MORC3: variants seen among roughly 807,000 people sequenced by gnomAD.
MORC3 encodes MORC family CW-type zinc finger 3.
MORC3 carries 31 observed loss-of-function variants against 109.1 expected under a neutral mutation model. That is an observed-to-expected ratio of 0.28 (90% CI 0.21 to 0.38). The LOEUF is 0.38. Among genes scored for constraint, MORC3 ranks in the 10% least tolerant of loss-of-function variants. The pLI is 1.00. For synonymous variants in MORC3, 395 were observed against 380.7 expected, an observed-to-expected ratio of 1.04 and a Z score of -0.44; for missense variants, 867 against 1,135.8, an observed-to-expected ratio of 0.76 and a Z score of 3.40.
At chr21:36,347,018 A>C (rs865990686) in intron 8 of MORC3, among the ~76,000 whole-genome samples, 1 of 150,828 alleles carries the variant, frequency 6.6e-6, no homozygotes, top group Non-Finnish European at 1.5e-5. Flanking sequence ...AAAAAAAAAA[A>C]AAAAAAAACA....
chr21:36,363,740 G>C (rs182791059), intron 13 of MORC3, among the ~76,000 whole-genome samples: 4 of 152,354 alleles, frequency 2.6e-5, no homozygotes, highest in South Asian at 4.1e-4. Context: ...GTAGGCAGTT[G>C]TGCTTCTTGC....
intron 14 of MORC3, among the ~76,000 whole-genome samples, chr21:36,367,114 G>A (rs2085789986): frequency 6.6e-6 from 1 of 152,196 alleles, no homozygotes. Context: ...TCTGGTGAGT[G>A]CCCTTTCTCT....
At chr21:36,322,531 C>T (rs1401036751) in intron 1 of MORC3, among the ~76,000 whole-genome samples, 1 of 151,998 alleles carries the variant, frequency 6.6e-6, no homozygotes, top group Admixed American at 6.6e-5. Flanking sequence ...GCCACCACAC[C>T]CGGCTAATTT....
chr21:36,337,696 G>A (rs963394550), intron 3 of MORC3, 36 bp from the exon 4 acceptor site: 1 of 1,283,028 alleles, frequency 7.8e-7, no homozygotes, highest in Non-Finnish European at 1.1e-6. Flanking sequence ...TTTGATTATA[G>A]GTATTTATTT....
intron 9 of MORC3, among the ~76,000 whole-genome samples, chr21:36,353,460 A>G (rs901790017): frequency 1.3e-5 from 2 of 151,652 alleles, no homozygotes; most frequent in African/African-American, 4.9e-5. Flanking sequence ...ACTGAATCCT[A>G]GCCACTAGAC....
chr21:36,330,666 C>T (rs922940465), intron 1 of MORC3, among the ~76,000 whole-genome samples: 1 of 152,060 alleles, frequency 6.6e-6, no homozygotes, highest in Non-Finnish European at 1.5e-5. Flanking sequence ...TCTTTTTAGT[C>T]GACAGTAGCC....
rs759476649 is a variant in MORC3, at chr21:36,349,277, T to C, written c.1006-34T>C. 3.5e-6 allele frequency: 5 copies of C among 1,429,016 alleles called. No individual in the cohort carries two copies. The African/African-American group carries it at 4.2e-5, about 12-fold the overall frequency. The allele number at this position is 1,429,016 out of a possible 1,614,324, so 88.5% of individuals were successfully genotyped here. A position where few individuals can be genotyped will look rare whatever the true frequency, so the allele number is the denominator to read the frequency against. On this transcript the variant is annotated intron_variant, in intron 8 of 16. Transcript: ENST00000400485. The stretch of plus-strand genomic sequence containing the variant: ...TAATTATTTTGAGCATCATGTCTTA[T>C]GCTTAAAATGCTGATTTCATTTTAT...
At chr21:36,351,914 A>C (rs917552162) in intron 9 of MORC3, among the ~76,000 whole-genome samples, 2 of 152,232 alleles carry the variant, frequency 1.3e-5, no homozygotes, top group Admixed American at 6.5e-5. Flanking sequence ...TGTTCACAGT[A>C]GTCAAAGGTT....
In MORC3 at chr21:36,362,241, T is replaced by C. The variant is rs1398716314; in HGVS notation, c.1452+13T>C. On this transcript the variant is annotated intron_variant, in intron 13 of 16. Transcript: ENST00000400485. ...AATGATCCCTCGGGTAATTAAGCCT[T>C]CTTTTTTTTTTTTTTTTTTAAATAG... 1 of 1,567,320 alleles carries C rather than the reference T, an allele frequency of 6.4e-7. No individual in the cohort carries two copies. Among genetic ancestry groups the C allele is most frequent in the South Asian group, 1.2e-5 (1 of 82,958 alleles).
chr21:36,358,628 TAAAA>T (rs1314809700), intron 10 of MORC3, among the ~76,000 whole-genome samples: 1 of 151,710 alleles, frequency 6.6e-6, no homozygotes, highest in Non-Finnish European at 1.5e-5. Context: ...AAAAAATAAT[TAAAA>T]AAATAAAAGA....
At chr21:36,335,650 C>T (rs1360428865) in intron 2 of MORC3, among the ~76,000 whole-genome samples, 1 of 152,036 alleles carries the variant, frequency 6.6e-6, no homozygotes, top group African/African-American at 2.4e-5. Context: ...TCTTCCTACA[C>T]CTATTCTGAG....
chr21:36,341,721 A>T (rs777382833), intron 6 of MORC3, among the ~76,000 whole-genome samples, 175 bp downstream of exon 6: 8 of 152,010 alleles, frequency 5.3e-5, no homozygotes, highest in Non-Finnish European at 1.2e-4. Context: ...AGGCTGTATC[A>T]CACACACACA....
chr21:36,333,168 A>G (rs2085335193), intron 1 of MORC3, among the ~76,000 whole-genome samples: 1 of 152,204 alleles, frequency 6.6e-6, no homozygotes, highest in Admixed American at 6.5e-5. Context: ...GCTATAATGA[A>G]CTTGGAGTAA....
rs553630382 is a variant in MORC3 at position 36,331,570 on chromosome 21, C to T, written c.40-2076C>T. Reference sequence around the variant, plus strand: ...TGAGCTGAGATGGCGCCACTGCACTCCAGCCTGGGCAGCAGAGCGAGACTC... The same window carrying T: ...TGAGCTGAGATGGCGCCACTGCACTTCAGCCTGGGCAGCAGAGCGAGACTC... On this transcript the variant is annotated intron_variant, in intron 1 of 16. Transcript: ENST00000400485. Among the ~76,000 whole-genome samples the T allele has an allele frequency of 1.4e-4, 21 of 151,978 alleles. No individual in the cohort carries two copies. The East Asian group carries it at 4.1e-3, about 30-fold the overall frequency.
intron 6 of MORC3, 142 bp from the exon 7 acceptor site, chr21:36,344,437 T>A (rs962608884): frequency 3.0e-6 from 3 of 992,962 alleles, no homozygotes; most frequent in Non-Finnish European, 2.8e-6. Flanking sequence ...CAAATCAGAA[T>A]AACATACAGC....
At chr21:36,323,479 TTGTTAGTGGTGGAGAA>T (rs953456831) in intron 1 of MORC3, among the ~76,000 whole-genome samples, 51 of 152,312 alleles carry the variant, frequency 3.3e-4, no homozygotes, top group African/African-American at 1.2e-3. Context: ...GTTTTTGTTA[TTGTTAGTGGTGGAGAA>T]TATCCACCAC....
intron 9 of MORC3, 42 bp from the exon 10 acceptor site, chr21:36,356,578 T>TA (rs755214045): frequency 7.6e-7 from 1 of 1,310,654 alleles, no homozygotes; most frequent in Non-Finnish European, 1.0e-6. Flanking sequence ...TGATTTATGT[T>TA]TGAAAAGAAT....
chr21:36,333,387 G>A (rs1335601814), intron 1 of MORC3: 2 of 460,414 alleles, frequency 4.3e-6, no homozygotes, highest in Non-Finnish European at 3.8e-6. Flanking sequence ...ATTTGGGATT[G>A]GACAGTTATG....
At position 36,347,020 on chromosome 21, in the gene MORC3, A is replaced by C. The variant is rs184674065; in HGVS notation, c.1005+1989A>C. The stretch of plus-strand genomic sequence containing the variant: ...GACCCTGTCTCTTAAAAAAAAAAAA[A>C]AAAAAACAAAGAAATTGGGGCAAAT... On this transcript the variant is annotated intron_variant, in intron 8 of 16. Transcript: ENST00000400485. 1.6e-3 allele frequency among the ~76,000 whole-genome samples: 236 copies of C among 150,982 alleles called. 2 individuals are homozygous for C. The East Asian group carries it at 0.017, about 11-fold the overall frequency.
Sources: gnomAD v4.1 joint callset for allele counts (sites outside exome capture counted in the v4.1 genomes callset) on GRCh38, gnomAD v4.1.1 for gene constraint, MANE v1.5 for transcripts, NCBI Gene and HGNC (gene_info 2026-07-23, HGNC 2026-07-21) for gene names.